UBE2E1: variants seen among roughly 807,000 people sequenced by gnomAD.
UBE2E1 encodes the protein ubiquitin-conjugating enzyme E2 E1.
UBE2E1 carries 6 observed loss-of-function variants against 21.4 expected under a neutral mutation model. The ratio of observed to expected loss-of-function variants is 0.28; its 90% CI spans 0.15 to 0.55. The LOEUF (loss-of-function observed/expected upper bound fraction) is 0.55. UBE2E1 is among the 20% of genes least tolerant of loss of function. The probability of loss-of-function intolerance (pLI) is 0.93; values close to 1 mark genes in which losing one functional copy is unlikely to be tolerated. For missense variants in UBE2E1, 142 were observed against 236.5 expected (o/e 0.60, Z 2.62); for synonymous variants, 87 against 82.7 (o/e 1.05, Z -0.28).
At chr3:23,879,746 C>T (rs1463879216) in intron 3 of UBE2E1, among the ~76,000 whole-genome samples, 2 of 152,156 alleles carry the variant, frequency 1.3e-5, no homozygotes, top group East Asian at 3.8e-4. Flanking sequence ...CCCAGCAGTC[C>T]GCAAGTCTGT....
At chr3:23,855,159 G>A (rs1339287851) in intron 3 of UBE2E1, among the ~76,000 whole-genome samples, 2 of 152,170 alleles carry the variant, frequency 1.3e-5, no homozygotes, top group Non-Finnish European at 2.9e-5. Context: ...CAGTCTTTGG[G>A]TTTAAGTAGG....
chr3:23,817,179 A>T (rs994763587), intron 3 of UBE2E1, among the ~76,000 whole-genome samples: 1 of 152,214 alleles, frequency 6.6e-6, no homozygotes, highest in African/African-American at 2.4e-5. Context: ...ATGGTGGCTC[A>T]CGCCTGTAAT....
intron 3 of UBE2E1, among the ~76,000 whole-genome samples, chr3:23,844,887 G>T (rs1004807046): frequency 2.0e-5 from 3 of 152,096 alleles, no homozygotes; most frequent in African/African-American, 7.3e-5. Context: ...ACAGACCAAT[G>T]AAGCTGACTT....
At chr3:23,824,068 G>T (rs1699701424) in intron 3 of UBE2E1, among the ~76,000 whole-genome samples, 1 of 152,200 alleles carries the variant, frequency 6.6e-6, no homozygotes, top group Non-Finnish European at 1.5e-5. Flanking sequence ...TGAAGTTGTT[G>T]CCATTTTCTG....
chr3:23,817,104 ATTC>A (rs1222284114), intron 3 of UBE2E1, among the ~76,000 whole-genome samples: 1 of 152,162 alleles, frequency 6.6e-6, no homozygotes, highest in Non-Finnish European at 1.5e-5. Context: ...GTTTTTGGGG[ATTC>A]TTGTTAAATT....
rs1406753230 is a variant in UBE2E1 at position 23,876,134 on chromosome 3, G to C, written c.204-11433G>C. ...GGGGAGCCCTTTAGGTTGGCTCTAG[G>C]TCTGCAAGTTCTTTCCAAGGGATAG... On this transcript the variant is annotated intron_variant, in intron 3 of 5. Coordinates refer to ENST00000306627, the MANE Select transcript of UBE2E1 (RefSeq NM_003341.5). This position sits in a 1 kb window ranked among gnomAD's most constrained non-coding sequence, Gnocchi z 4.3. Among the ~76,000 whole-genome samples the C allele has an allele frequency of 6.6e-6, 1 of 152,160 alleles. No individual in the cohort carries two copies. Among genetic ancestry groups the C allele is most frequent in the Non-Finnish European group, 1.5e-5 (1 of 68,022 alleles).
rs771126027 is a variant in UBE2E1 at position 23,807,420 on chromosome 3, A to C, written c.151A>C (p.Arg51=). 2 of 1,609,348 alleles carry C rather than the reference A, an allele frequency of 1.2e-6. No homozygotes were observed. Among genetic ancestry groups the C allele is most frequent in the Non-Finnish European group, 1.7e-6 (2 of 1,178,618 alleles). ...NSKLLSTSAK[R]IQKELADITL... The stretch of plus-strand genomic sequence containing the variant: ...CAAACTCCTCTCCACCAGCGCCAAG[A>C]GGTACTGTGCTCTTTTTTTTTTCCA... Residue 51 remains arginine, a splice_region_variant and synonymous_variant, in exon 2 of 6, where the codon AGA becomes CGA. Coordinates refer to ENST00000306627, the MANE Select transcript of UBE2E1 (RefSeq NM_003341.5).
chr3:23,867,059 T>G (rs1700670926), intron 3 of UBE2E1, among the ~76,000 whole-genome samples: 1 of 151,658 alleles, frequency 6.6e-6, no homozygotes, highest in Admixed American at 6.6e-5. Flanking sequence ...CCTGAATCCT[T>G]CTCCTCATCT....
intron 3 of UBE2E1, among the ~76,000 whole-genome samples, chr3:23,825,382 AC>A (rs1336073473): frequency 6.6e-6 from 1 of 152,050 alleles, no homozygotes; most frequent in Non-Finnish European, 1.5e-5. Context: ...GTGGCTCCTG[AC>A]TGTATTTAGT....
At chr3:23,855,541 T>C (rs1180644442) in intron 3 of UBE2E1, among the ~76,000 whole-genome samples, 1 of 152,138 alleles carries the variant, frequency 6.6e-6, no homozygotes, top group Non-Finnish European at 1.5e-5. Flanking sequence ...ATAGAAATAG[T>C]GCTTTAGGCC....
chr3:23,807,233 G>A lies in UBE2E1; in HGVS notation c.-33-4G>A. The A allele has an allele frequency of 1.3e-6, 2 of 1,596,126 alleles. No individual in the cohort carries two copies. Among genetic ancestry groups the A allele is most frequent in the African/African-American group, 1.4e-5 (1 of 73,912 alleles). On this transcript the variant is annotated splice_polypyrimidine_tract_variant and splice_region_variant and intron_variant, in intron 1 of 5. Coordinates refer to ENST00000306627, the MANE Select transcript of UBE2E1 (RefSeq NM_003341.5). Reference sequence around the variant, plus strand: ...GTTTCTGTTTTGTTTCTCTCCCCCTGCAGGGGCTGTTTGCGGGGTGGGGTG... The same window carrying A: ...GTTTCTGTTTTGTTTCTCTCCCCCTACAGGGGCTGTTTGCGGGGTGGGGTG...
intron 3 of UBE2E1, among the ~76,000 whole-genome samples, chr3:23,885,751 T>C (rs1361682518): frequency 6.6e-6 from 1 of 151,986 alleles, no homozygotes; most frequent in Non-Finnish European, 1.5e-5. Flanking sequence ...TCCCAGTTAC[T>C]CAGGAGGCTG....
At chr3:23,833,895 G>A (rs1180041419) in intron 3 of UBE2E1, among the ~76,000 whole-genome samples, 1 of 152,188 alleles carries the variant, frequency 6.6e-6, no homozygotes, top group Non-Finnish European at 1.5e-5. Flanking sequence ...CTACTCGAGA[G>A]GCTGAGGTGG....
chr3:23,818,658 T>G (rs1294331974), intron 3 of UBE2E1, among the ~76,000 whole-genome samples: 1 of 152,236 alleles, frequency 6.6e-6, no homozygotes, highest in Non-Finnish European at 1.5e-5. Flanking sequence ...TGTTTAGCTT[T>G]GCACACATTG....
rs75893089 is a variant in UBE2E1 at position 23,863,348 on chromosome 3, T to G, written c.204-24219T>G. On this transcript the variant is annotated intron_variant, in intron 3 of 5. Transcript: ENST00000306627. The surrounding 1 kb of genome is among the most constrained non-coding windows in gnomAD (Gnocchi z 4.3). Reference sequence around the variant, plus strand: ...TTCACATGTGGTTACTTTTCCTTCCTTGCTTGACTACCTCCCTCCCCAAGT... The same window carrying G: ...TTCACATGTGGTTACTTTTCCTTCCGTGCTTGACTACCTCCCTCCCCAAGT... Among the ~76,000 whole-genome samples the G allele has an allele frequency of 0.023, 3,459 of 152,176 alleles. 134 individuals carry two copies. The highest frequency in any genetic ancestry group is 0.079 in the African/African-American group (3,273 of 41,490).
chr3:23,877,729 A>G (rs903295443), intron 3 of UBE2E1, among the ~76,000 whole-genome samples: 1 of 152,226 alleles, frequency 6.6e-6, no homozygotes, highest in Admixed American at 6.5e-5. Flanking sequence ...TGAAGCTTCC[A>G]CAGACAAAAG....
rs1236354560 is a variant in UBE2E1, at chr3:23,807,426, T to C, written c.152+5T>C. 6.3e-7 allele frequency: 1 copy of C among 1,594,724 alleles called. No individual in the cohort carries two copies. Among genetic ancestry groups the C allele is most frequent in the African/African-American group, 1.4e-5 (1 of 73,086 alleles). The stretch of plus-strand genomic sequence containing the variant: ...CCTCTCCACCAGCGCCAAGAGGTAC[T>C]GTGCTCTTTTTTTTTTCCACAGGCT... On this transcript the variant is annotated splice_donor_5th_base_variant and intron_variant, in intron 2 of 5. Coordinates refer to ENST00000306627, the MANE Select transcript of UBE2E1 (RefSeq NM_003341.5).
intron 3 of UBE2E1, among the ~76,000 whole-genome samples, chr3:23,885,880 C>A (rs981346618): frequency 9.3e-5 from 14 of 150,668 alleles, no homozygotes; most frequent in African/African-American, 1.5e-4. Flanking sequence ...ACAAAAAAAA[C>A]AAAACAAACA....
At chr3:23,885,558 G>A (rs1235790963) in intron 3 of UBE2E1, among the ~76,000 whole-genome samples, 1 of 152,088 alleles carries the variant, frequency 6.6e-6, no homozygotes, top group Non-Finnish European at 1.5e-5. Context: ...TCATGGTGTA[G>A]ACAATGTTTA....
Sources: gnomAD v4.1 joint callset for allele counts (sites outside exome capture counted in the v4.1 genomes callset) on GRCh38, gnomAD v4.1.1 for gene constraint, Gnocchi (gnomAD v3.1) non-coding constraint, MANE v1.5 for transcripts, NCBI Gene and HGNC (gene_info 2026-07-23, HGNC 2026-07-21) for gene names.